RERE: variants seen among roughly 807,000 people sequenced by gnomAD.
RERE encodes the protein arginine-glutamic acid dipeptide repeats protein.
A neutral mutation model predicts 146.1 loss-of-function variants in RERE; 40 were observed. That is an observed-to-expected ratio of 0.27 (90% CI 0.21 to 0.36). RERE has a LOEUF of 0.36. Ranked by LOEUF, RERE falls within the 10% of genes least tolerant of loss-of-function variation. The pLI, the probability that RERE is intolerant of heterozygous loss-of-function variation, is 1.00. For synonymous variants in RERE, 1,003 were observed against 866.0 expected (o/e 1.16, Z -2.78); for missense variants, 1,933 against 2,138.7 (o/e 0.90, Z 1.90).
intron 1 of RERE, among the ~76,000 whole-genome samples, chr1:8,738,400 G>A (rs1480409797): frequency 6.6e-6 from 1 of 151,862 alleles, no homozygotes; most frequent in Non-Finnish European, 1.5e-5. Context: ...CTCCTGGGCT[G>A]GTCTCAAACT....
In RERE at chr1:8,602,524, G is replaced by GAA. The variant is rs35403700; in HGVS notation, c.522+12035_522+12036dup. On this transcript the variant is annotated intron_variant, in intron 4 of 22. Coordinates refer to ENST00000400908, the MANE Select transcript of RERE (RefSeq NM_001042681.2). ...TCCAATAGTTCAGGGGAAAAAAAAA[G>GAA]AAAAAAAAAAAACTAAACTTGAGCT... Among the ~76,000 whole-genome samples the GAA allele has an allele frequency of 4.5e-3, 654 of 146,960 alleles. 1 individual carries two copies. The highest frequency in any genetic ancestry group is 0.01 in the Middle Eastern group (3 of 286).
At chr1:8,477,512 A>T (rs1644771692) in intron 10 of RERE, among the ~76,000 whole-genome samples, 2 of 152,208 alleles carry the variant, frequency 1.3e-5, no homozygotes, top group South Asian at 4.1e-4. Context: ...AACAGAAAAA[A>T]ATTTGTGACA....
chr1:8,420,607 A>G (rs1643897122), intron 12 of RERE, among the ~76,000 whole-genome samples: 2 of 152,220 alleles, frequency 1.3e-5, no homozygotes, highest in South Asian at 4.1e-4. Context: ...GTGCAATGCA[A>G]AAGACAGCAA....
In RERE at chr1:8,665,578, A is replaced by G. The variant is rs528072128; in HGVS notation, c.-144-9137T>C. 3.3e-5 allele frequency among the ~76,000 whole-genome samples: 5 copies of G among 152,362 alleles called. No homozygotes were observed. In the South Asian group the frequency reaches 1.0e-3, roughly 32 times the overall value. ...ATGAGTAGGATAAGGAGACGCAAAGAGAAGGCGAAAGACAGTCCAGGTGGG... is the reference window on the plus strand; with the variant it reads ...ATGAGTAGGATAAGGAGACGCAAAGGGAAGGCGAAAGACAGTCCAGGTGGG... On this transcript the variant is annotated intron_variant, in intron 1 of 22. Coordinates refer to ENST00000400908, the MANE Select transcript of RERE (RefSeq NM_001042681.2).
At chr1:8,616,104 C>G (rs189354412) in intron 3 of RERE, among the ~76,000 whole-genome samples, 1 of 152,266 alleles carries the variant, frequency 6.6e-6, no homozygotes, top group East Asian at 1.9e-4. Flanking sequence ...CCAGAAGCAT[C>G]AAAATAAAAA....
chr1:8,360,958 C>T lies in RERE; in HGVS notation c.2549G>A (p.Gly850Asp). The change falls in exon 18 of 23, where the codon GGC becomes GAC. Residue 850 changes from glycine to aspartate, a missense_variant. Coordinates refer to ENST00000400908, the MANE Select transcript of RERE (RefSeq NM_001042681.2). ...CTGCAGGCTGTGAGGGCCGGGTGGG[C>T]CCTGACCGTGCAGTGGGGGCTGGGC... ...SHAQPPLHGQ[G>D]PPGPHSLQAG... 1 of 1,453,216 alleles carries T rather than the reference C, an allele frequency of 6.9e-7. No individual in the cohort carries two copies. Among genetic ancestry groups the T allele is most frequent in the Non-Finnish European group, 9.0e-7 (1 of 1,110,788 alleles). 90.0% of individuals were successfully genotyped at this position (1,453,216 alleles called of 1,614,324 possible). A position where few individuals can be genotyped will look rare whatever the true frequency, so the allele number is the denominator to read the frequency against.
At chr1:8,514,770 C>CAAGAA (rs1459631196) in intron 7 of RERE, among the ~76,000 whole-genome samples, 5 of 151,668 alleles carry the variant, frequency 3.3e-5, no homozygotes, top group East Asian at 1.9e-4. Flanking sequence ...AAAGACAAGA[C>CAAGAA]AAGAAAAGAA....
At chr1:8,761,744 T>C (rs1298584345) in intron 1 of RERE, among the ~76,000 whole-genome samples, 1 of 151,474 alleles carries the variant, frequency 6.6e-6, no homozygotes, top group Admixed American at 6.6e-5. Flanking sequence ...ATGGAGAAAC[T>C]CCCCCGTCTC....
chr1:8,484,427 A>AC (rs1340749778), intron 10 of RERE, among the ~76,000 whole-genome samples: 1 of 142,108 alleles, frequency 7.0e-6, no homozygotes, highest in Non-Finnish European at 1.5e-5. Flanking sequence ...TACAAATAAA[A>AC]CTTTTTTTTT....
chr1:8,770,709 G>C (rs767552321), intron 1 of RERE, among the ~76,000 whole-genome samples: 14 of 152,194 alleles, frequency 9.2e-5, no homozygotes, highest in Admixed American at 2.0e-4. Context: ...ATCTTTTTTA[G>C]AGGGTAACTT....
chr1:8,719,588 G>GC (rs1639823874), intron 1 of RERE, among the ~76,000 whole-genome samples: 1 of 152,042 alleles, frequency 6.6e-6, no homozygotes, highest in Non-Finnish European at 1.5e-5. Context: ...ACAGAGATTT[G>GC]CCCTCTGCTT....
chr1:8,486,647 C>T (rs937951284), intron 10 of RERE, among the ~76,000 whole-genome samples: 7 of 146,474 alleles, frequency 4.8e-5, no homozygotes, highest in Non-Finnish European at 7.5e-5. Flanking sequence ...ATAAAACAAA[C>T]GGGAAAAAAT....
intron 1 of RERE, among the ~76,000 whole-genome samples, chr1:8,691,909 C>CA (rs533891910): frequency 2.2e-4 from 34 of 152,314 alleles, no homozygotes; most frequent in African/African-American, 7.9e-4. Context: ...GTACCTGTTG[C>CA]ATAGTAAGCC....
At chr1:8,610,590 A>G (rs1308730507) in intron 4 of RERE, among the ~76,000 whole-genome samples, 1 of 152,140 alleles carries the variant, frequency 6.6e-6, no homozygotes, top group African/African-American at 2.4e-5. Flanking sequence ...GCAAGACTCC[A>G]TCTCAAAAAA....
intron 17 of RERE, 56 bp downstream of exon 17, chr1:8,361,706 TG>T: frequency 6.8e-7 from 1 of 1,480,206 alleles, no homozygotes; most frequent in African/African-American, 1.4e-5. Flanking sequence ...GAACCCCGGC[TG>T]GGGGCTTCTG....
chr1:8,402,643 C>T (rs1371906722), intron 12 of RERE, among the ~76,000 whole-genome samples: 2 of 152,160 alleles, frequency 1.3e-5, no homozygotes, highest in Non-Finnish European at 2.9e-5. Flanking sequence ...TAATATTCCA[C>T]TTAAGACGTT....
intron 1 of RERE, among the ~76,000 whole-genome samples, chr1:8,704,775 AAC>A (rs1639524731): frequency 6.6e-6 from 1 of 152,246 alleles, no homozygotes; most frequent in Non-Finnish European, 1.5e-5. Context: ...TCAAACTCCT[AAC>A]ACAGCACATG....
At chr1:8,581,631 G>A (rs1302481717) in intron 4 of RERE, among the ~76,000 whole-genome samples, 1 of 152,078 alleles carries the variant, frequency 6.6e-6, no homozygotes, top group Non-Finnish European at 1.5e-5. Context: ...TATGAGGTTG[G>A]GTTATATCCT....
At chr1:8,635,525 G>T (rs1036905857) in intron 2 of RERE, among the ~76,000 whole-genome samples, 1 of 152,204 alleles carries the variant, frequency 6.6e-6, no homozygotes, top group Admixed American at 6.5e-5. Flanking sequence ...TTCAACAAAT[G>T]AGTGCAGCTG....
Sources: allele counts gnomAD v4.1 joint callset (sites outside exome capture counted in the v4.1 genomes callset), GRCh38; gene constraint gnomAD v4.1.1; transcripts MANE v1.5; gene names NCBI Gene and HGNC (gene_info 2026-07-23, HGNC 2026-07-21).